The following NMNAT3 variants were observed in gnomAD, a reference collection of about 807,000 sequenced individuals.
The protein encoded by NMNAT3 is nicotinamide/nicotinic acid mononucleotide adenylyltransferase 3.
NMNAT3 carries 21 observed loss-of-function variants against 24.8 expected under a neutral mutation model. The observed-to-expected ratio is 0.85, with a 90% CI of 0.60 to 1.22. NMNAT3 has a LOEUF of 1.22. NMNAT3 is among the 50% of genes most tolerant of loss of function. The probability of loss-of-function intolerance (pLI) is 0.00; values close to 1 mark genes in which losing one functional copy is unlikely to be tolerated. For synonymous variants in NMNAT3, 136 were observed against 155.2 expected (o/e 0.88, Z 0.92); for missense variants, 387 against 436.6 (o/e 0.89, Z 1.01).
At chr3:139,570,522 G>A (rs973921619) in intron 6 of NMNAT3, 15 of 152,114 alleles carry the variant, frequency 9.9e-5, no homozygotes, top group African/African-American at 3.4e-4. Context: ...TGGGTTTTTG[G>A]TGTGGATGTC....
intron 2 of NMNAT3, among the ~76,000 whole-genome samples, chr3:139,631,018 C>T (rs183839937): frequency 1.6e-4 from 24 of 152,210 alleles, no homozygotes; most frequent in South Asian, 4.2e-4. Flanking sequence ...TCCAAAAGTT[C>T]CCAGAAACTA....
chr3:139,605,125 A>G (rs934819017), intron 3 of NMNAT3, among the ~76,000 whole-genome samples: 1 of 152,194 alleles, frequency 6.6e-6, no homozygotes, highest in Non-Finnish European at 1.5e-5. Flanking sequence ...TTTCAAGCAC[A>G]TCCACCGATA....
intron 2 of NMNAT3, among the ~76,000 whole-genome samples, chr3:139,632,420 C>T (rs909651880): frequency 6.6e-6 from 1 of 152,220 alleles, no homozygotes; most frequent in Non-Finnish European, 1.5e-5. Flanking sequence ...ACACCAAGGT[C>T]ATCCCTCTGC....
chr3:139,652,392 G>A (rs2057084747), intron 1 of NMNAT3, among the ~76,000 whole-genome samples: 1 of 152,202 alleles, frequency 6.6e-6, no homozygotes, highest in African/African-American at 2.4e-5. Flanking sequence ...TCAATTAGAT[G>A]CTATTACTCC....
At chr3:139,581,724 A>G (rs1231519084) in intron 4 of NMNAT3, among the ~76,000 whole-genome samples, 2 of 152,162 alleles carry the variant, frequency 1.3e-5, no homozygotes, top group Non-Finnish European at 2.9e-5. Flanking sequence ...CTGTGGGGAA[A>G]GCTGGATGAG....
At chr3:139,619,076 G>A (rs2055642037) in intron 3 of NMNAT3, among the ~76,000 whole-genome samples, 1 of 152,146 alleles carries the variant, frequency 6.6e-6, no homozygotes, top group Non-Finnish European at 1.5e-5. Context: ...CTAACTCCAG[G>A]TGGAAGATGC....
intron 2 of NMNAT3, among the ~76,000 whole-genome samples, chr3:139,633,535 A>G (rs1576699004): frequency 6.6e-6 from 1 of 152,164 alleles, no homozygotes; most frequent in African/African-American, 2.4e-5. Flanking sequence ...GTGATTTGTT[A>G]CAGCAGCCAT....
At chr3:139,659,405 A>G (rs1232993743) in intron 1 of NMNAT3, among the ~76,000 whole-genome samples, 1 of 152,218 alleles carries the variant, frequency 6.6e-6, no homozygotes, top group Non-Finnish European at 1.5e-5. Context: ...CCCAAGTGTG[A>G]TGGAATGCAA....
intron 3 of NMNAT3, among the ~76,000 whole-genome samples, chr3:139,607,119 A>G (rs2108239884): frequency 6.6e-6 from 1 of 151,944 alleles, no homozygotes; most frequent in South Asian, 2.1e-4. Flanking sequence ...CCCTCTTAGA[A>G]GGCAAAGCTA....
At chr3:139,657,574 G>A (rs2057287135) in intron 1 of NMNAT3, among the ~76,000 whole-genome samples, 2 of 152,098 alleles carry the variant, frequency 1.3e-5, no homozygotes, top group African/African-American at 4.8e-5. Context: ...CATATGCTGT[G>A]GTGGGGTGCT....
intron 6 of NMNAT3, chr3:139,571,317 C>T (rs1018361461): frequency 6.6e-5 from 10 of 152,238 alleles, no homozygotes; most frequent in African/African-American, 2.4e-4. Flanking sequence ...AATGCCTCGC[C>T]CTGCTTCGGC....
intron 1 of NMNAT3, chr3:139,672,780 T>C (rs145252284): frequency 6.6e-5 from 10 of 152,296 alleles, no homozygotes; most frequent in African/African-American, 2.4e-4. Flanking sequence ...AATATTCAAG[T>C]ATGGACAGAG....
intron 3 of NMNAT3, among the ~76,000 whole-genome samples, chr3:139,605,403 C>T (rs1309626147): frequency 6.6e-6 from 1 of 152,070 alleles, no homozygotes; most frequent in African/African-American, 2.4e-5. Context: ...GGTATAAACC[C>T]ACTTCACAAT....
At chr3:139,589,228 T>C (rs182505663) in intron 3 of NMNAT3, among the ~76,000 whole-genome samples, 17 of 152,304 alleles carry the variant, frequency 1.1e-4, no homozygotes, top group Non-Finnish European at 1.5e-4. Flanking sequence ...AGTGAACTAA[T>C]AGAAATTTCT....
intron 3 of NMNAT3, among the ~76,000 whole-genome samples, chr3:139,590,384 T>C (rs1167860228): frequency 6.6e-6 from 1 of 152,074 alleles, no homozygotes; most frequent in Non-Finnish European, 1.5e-5. Context: ...TTTGGGAGCA[T>C]GTGGTGGAGG....
chr3:139,622,808 T>TATAAAATGTATATATG (rs1167503546), intron 3 of NMNAT3, among the ~76,000 whole-genome samples: 4 of 142,018 alleles, frequency 2.8e-5, no homozygotes, highest in African/African-American at 1.0e-4. Flanking sequence ...ATGATATATA[T>TATAAAATGTATATATG]ATAAAATGTA....
intron 1 of NMNAT3, among the ~76,000 whole-genome samples, chr3:139,664,119 AT>A (rs1464662091): frequency 1.3e-5 from 2 of 152,224 alleles, no homozygotes; most frequent in Admixed American, 6.5e-5. Context: ...GACATTAAAC[AT>A]TTTTTAATGC....
chr3:139,603,122 G>A (rs1027209026), intron 3 of NMNAT3, among the ~76,000 whole-genome samples: 7 of 152,126 alleles, frequency 4.6e-5, no homozygotes, highest in African/African-American at 1.4e-4. Flanking sequence ...AAATATGTTT[G>A]GGAAACACGA....
At chr3:139,623,485 AG>A (rs1466957449) in intron 3 of NMNAT3, among the ~76,000 whole-genome samples, 1 of 152,216 alleles carries the variant, frequency 6.6e-6, no homozygotes, top group Non-Finnish European at 1.5e-5. Flanking sequence ...TAAGGATAAA[AG>A]TATAGTATAG....
Sources: allele counts gnomAD v4.1 joint callset (sites outside exome capture counted in the v4.1 genomes callset), GRCh38; gene constraint gnomAD v4.1.1; transcripts MANE v1.5; gene names NCBI Gene and HGNC (gene_info 2026-07-23, HGNC 2026-07-21).